Variants in CLEC16A observed in about 807,000 individuals in gnomAD.
CLEC16A encodes the protein protein CLEC16A.
A neutral mutation model predicts 109.5 loss-of-function variants in CLEC16A; 51 were observed. That is an observed-to-expected ratio of 0.47 (90% confidence interval 0.37 to 0.59). The LOEUF is 0.59. Among genes scored for constraint, CLEC16A ranks in the 20% least tolerant of loss-of-function variants. The pLI is 0.00. For missense variants in CLEC16A, 1,339 were observed against 1,394.0 expected (o/e 0.96, Z 0.63); for synonymous variants, 673 against 564.2 (o/e 1.19, Z -2.73).
chr16:10,966,433 A>G (rs951349088), intron 3 of CLEC16A, among the ~76,000 whole-genome samples: 2 of 152,186 alleles, frequency 1.3e-5, no homozygotes, highest in Admixed American at 1.3e-4. Flanking sequence ...GGCATGAGGA[A>G]GTCTTCTGGA....
At position 11,178,625 on chromosome 16, in the gene CLEC16A, G is replaced by A. The variant is rs72650691; in HGVS notation, c.3097G>A (p.Ala1033Thr). ...GMPPLSTPAA[A>T]CTEPVGEEAA... The stretch of plus-strand genomic sequence containing the variant: ...GCCCCCGCTGTCCACGCCGGCTGCC[G>A]CCTGCACAGAGCCCGTGGGCGAAGA... The change falls in exon 24 of 24, where the codon GCC (alanine) becomes ACC (threonine). Residue 1033 changes from alanine (A) to threonine (T), a missense_variant. Physicochemically the swap from Ala to Thr is moderately conservative, Grantham distance 58. Around this residue, in one of 3 missense-constraint regions of CLEC16A, gnomAD observed 1,061 missense variants for 1,006.8 expected, o/e 1.05. Transcript: ENST00000409790. This position sits in a 1 kb window ranked among gnomAD's most constrained non-coding sequence, Gnocchi z 6.5. 4,181 of 1,596,754 alleles carry A rather than the reference G, an allele frequency of 2.6e-3. 13 individuals carry two copies. Among genetic ancestry groups the A allele is most frequent in the Non-Finnish European group, 3.2e-3 (3,778 of 1,175,292 alleles).
intron 19 of CLEC16A, among the ~76,000 whole-genome samples, chr16:11,088,833 T>G (rs975883447): frequency 6.6e-6 from 1 of 152,050 alleles, no homozygotes; most frequent in Non-Finnish European, 1.5e-5. Flanking sequence ...TGCCGTTGAG[T>G]TAGTAATTTC....
Position 11,096,177 on chromosome 16 carries a change from T to TAAA in CLEC16A, c.2117-24428_2117-24426dup, listed in dbSNP as rs34361002. Among the ~76,000 whole-genome samples, 407 of 148,676 alleles carry TAAA rather than the reference T, an allele frequency of 2.7e-3. 3 individuals carry two copies. The highest frequency in any genetic ancestry group is 8.5e-3 in the African/African-American group (345 of 40,444). On this transcript the variant is annotated intron_variant, in intron 19 of 23. Transcript: ENST00000409790. The stretch of plus-strand genomic sequence containing the variant: ...GGGCAACATAGCAAGACCCCATCTC[T>TAAA]AAAAAAAAAAAATTTTATGTAGCTG...
At chr16:10,983,544 C>A (rs1380588427) in intron 10 of CLEC16A, among the ~76,000 whole-genome samples, 1 of 152,204 alleles carries the variant, frequency 6.6e-6, no homozygotes, top group South Asian at 2.1e-4. Flanking sequence ...TTTAAATGAT[C>A]ATCAAGCTTT....
In CLEC16A at chr16:11,135,807, T is replaced by G. The variant is rs965007295; in HGVS notation, c.2641+9661T>G. ...GCCGGCAGCACAGCACAGGCCAGTGTCAGTGGCAGAGCGGGTGGCTTGGCC... is the reference window on the plus strand; with the variant it reads ...GCCGGCAGCACAGCACAGGCCAGTGGCAGTGGCAGAGCGGGTGGCTTGGCC... On this transcript the variant is annotated intron_variant, in intron 22 of 23. Coordinates refer to ENST00000409790, the MANE Select transcript of CLEC16A (RefSeq NM_015226.3). Among the ~76,000 whole-genome samples the G allele has an allele frequency of 1.3e-5, 2 of 152,244 alleles. 1 individual carries two copies. The highest frequency in any genetic ancestry group is 2.9e-5 in the Non-Finnish European group (2 of 68,046).
intron 22 of CLEC16A, among the ~76,000 whole-genome samples, chr16:11,128,466 C>T (rs1297389807): frequency 1.3e-5 from 2 of 152,252 alleles, no homozygotes; most frequent in African/African-American, 4.8e-5. Context: ...ACTGGGACAA[C>T]AGCAAGTCAG....
At chr16:11,109,691 C>T (rs1457127174) in intron 19 of CLEC16A, among the ~76,000 whole-genome samples, 1 of 152,204 alleles carries the variant, frequency 6.6e-6, no homozygotes, top group Non-Finnish European at 1.5e-5. Context: ...ACACGTGCAG[C>T]CACGGGCCCT....
chr16:10,981,434 A>AT (rs999356465), intron 9 of CLEC16A, among the ~76,000 whole-genome samples: 1 of 152,140 alleles, frequency 6.6e-6, no homozygotes, highest in Non-Finnish European at 1.5e-5. Flanking sequence ...GGTTCCCAGT[A>AT]TTTTTTTAAA....
intron 13 of CLEC16A, among the ~76,000 whole-genome samples, chr16:11,028,087 C>A (rs1205752284): frequency 6.6e-6 from 1 of 152,232 alleles, no homozygotes. Context: ...GTAATCCCAG[C>A]TACTCAGGAG....
At chr16:11,034,703 G>A (rs1261923045) in intron 13 of CLEC16A, among the ~76,000 whole-genome samples, 4 of 152,206 alleles carry the variant, frequency 2.6e-5, no homozygotes, top group Non-Finnish European at 4.4e-5. Flanking sequence ...GCCAGAATGA[G>A]CTAGTGCTCC....
rs76243064 is a variant in CLEC16A, at chr16:10,959,964, A to G, written c.209+2054A>G. ...CAAGATGACACCCTGTCCATCTGTC[A>G]TCTTAGAAAAGCTGCTGAGCTCTTA... On this transcript the variant is annotated intron_variant, in intron 2 of 23. Transcript: ENST00000409790. 1.1e-3 allele frequency among the ~76,000 whole-genome samples: 160 copies of G among 152,268 alleles called. No homozygotes were observed. The East Asian group carries it at 0.028, about 26-fold the overall frequency.
chr16:11,003,434 C>G, intron 11 of CLEC16A, 129 bp downstream of exon 11: 1 of 702,630 alleles, frequency 1.4e-6, no homozygotes, highest in South Asian at 1.9e-5. Context: ...CGATTCCTAC[C>G]TCACACTGGC....
At chr16:11,147,791 G>T (rs1346148918) in intron 22 of CLEC16A, among the ~76,000 whole-genome samples, 1 of 152,122 alleles carries the variant, frequency 6.6e-6, no homozygotes, top group Admixed American at 6.5e-5. Flanking sequence ...TCTCATTTGT[G>T]TCCCATTTTG....
intron 1 of CLEC16A, 27 bp downstream of exon 1, chr16:10,944,824 C>T (rs1331252076): frequency 1.9e-6 from 3 of 1,575,794 alleles, no homozygotes; most frequent in African/African-American, 1.3e-5. Context: ...TAGCGGGAGG[C>T]CTCGGGGCTG....
intron 4 of CLEC16A, among the ~76,000 whole-genome samples, chr16:10,969,780 G>T (rs546317539): frequency 6.6e-6 from 1 of 152,154 alleles, no homozygotes; most frequent in East Asian, 1.9e-4. Flanking sequence ...GTCAGGGCTG[G>T]TTTTGTCACT....
Position 11,042,249 on chromosome 16 carries a change from T to G in CLEC16A, c.1661-5T>G. ...GTGCAAGGCTTACCCTGGTGTGCTC[T>G]GCAGATGGGAAGATCCGGCTGGCGA... is the stretch of plus-strand genomic sequence containing the variant. On this transcript the variant is annotated splice_region_variant and splice_polypyrimidine_tract_variant and intron_variant, in intron 14 of 23. Coordinates refer to ENST00000409790, the MANE Select transcript of CLEC16A (RefSeq NM_015226.3). 1 of 1,571,296 alleles carries G rather than the reference T, an allele frequency of 6.4e-7. No individual in the cohort carries two copies. The highest frequency in any genetic ancestry group is 8.6e-7 in the Non-Finnish European group (1 of 1,158,170).
Position 11,109,694 on chromosome 16 carries a change from C to T in CLEC16A, c.2117-10921C>T, listed in dbSNP as rs140002399. Among the ~76,000 whole-genome samples the T allele has an allele frequency of 1.1e-4, 17 of 152,296 alleles. No individual in the cohort carries two copies. In the East Asian group the frequency reaches 1.9e-3, roughly 17 times the overall value. Reference sequence around the variant, plus strand: ...AGCCCCTCCCTCACACGTGCAGCCACGGGCCCTCCAGGTGTCCTATCAGCT... The same window carrying T: ...AGCCCCTCCCTCACACGTGCAGCCATGGGCCCTCCAGGTGTCCTATCAGCT... On this transcript the variant is annotated intron_variant, in intron 19 of 23. Transcript: ENST00000409790.
At chr16:10,977,080 C>G in intron 7 of CLEC16A, 145 bp from the exon 8 acceptor site, 1 of 723,648 alleles carries the variant, frequency 1.4e-6, no homozygotes, top group South Asian at 1.9e-5. Context: ...GTATATCTCC[C>G]CAGTAGGGGC....
intron 18 of CLEC16A, among the ~76,000 whole-genome samples, chr16:11,052,884 TTTGTTGTTG>T (rs148444157): frequency 6.6e-6 from 1 of 150,874 alleles, no homozygotes; most frequent in African/African-American, 2.4e-5. Flanking sequence ...ACTTTGCCTT[TTTGTTGTTG>T]TTGTTGTTGT....
Sources: gnomAD v4.1 joint callset for allele counts (sites outside exome capture counted in the v4.1 genomes callset) on GRCh38, gnomAD v4.1.1 for gene constraint, gnomAD v4.1.1 regional missense constraint, Gnocchi (gnomAD v3.1) non-coding constraint, MANE v1.5 for transcripts, NCBI Gene and HGNC (gene_info 2026-07-23, HGNC 2026-07-21) for gene names.